Variants in MYCBP2 observed in about 807,000 individuals in gnomAD.
The protein encoded by MYCBP2 is E3 ubiquitin-protein ligase MYCBP2.
A neutral mutation model predicts 525.3 loss-of-function variants in MYCBP2; 120 were observed. That is an observed-to-expected ratio of 0.23 (90% CI 0.20 to 0.27). The LOEUF (loss-of-function observed/expected upper bound fraction) is 0.27, where lower values mean the gene tolerates loss of function less well. Ranked by LOEUF, MYCBP2 falls within the 10% of genes least tolerant of loss-of-function variation. The probability of loss-of-function intolerance (pLI) is 1.00; values close to 1 mark genes in which losing one functional copy is unlikely to be tolerated. For synonymous variants in MYCBP2, 1,894 were observed against 1,955.8 expected (o/e 0.97, Z 0.83); for missense variants, 4,149 against 5,657.1 (o/e 0.73, Z 8.55).
intron 44 of MYCBP2, among the ~76,000 whole-genome samples, chr13:77,159,810 C>CTAT (rs2057666690): frequency 6.6e-6 from 1 of 152,098 alleles, no homozygotes. Flanking sequence ...TCAGGTAGTT[C>CTAT]TTTATAGCAG....
chr13:77,186,343 T>G (rs557614610), intron 30 of MYCBP2, among the ~76,000 whole-genome samples: 1 of 152,200 alleles, frequency 6.6e-6, no homozygotes, highest in African/African-American at 2.4e-5. Flanking sequence ...AATAAATTTT[T>G]CAGTGTTCCT....
chr13:77,059,308 T>C, intron 77 of MYCBP2, among the ~76,000 whole-genome samples: 1 of 152,190 alleles, frequency 6.6e-6, no homozygotes, highest in East Asian at 1.9e-4. Flanking sequence ...CATATGATCA[T>C]GGTAACTGAG....
At chr13:77,324,376 TCTC>T (rs2082050559) in intron 1 of MYCBP2, among the ~76,000 whole-genome samples, 1 of 152,160 alleles carries the variant, frequency 6.6e-6, no homozygotes, top group Non-Finnish European at 1.5e-5. Context: ...GATATCATCT[TCTC>T]CTTTAACTTG....
chr13:77,250,541 A>G (rs1457854369), intron 15 of MYCBP2, among the ~76,000 whole-genome samples: 1 of 152,196 alleles, frequency 6.6e-6, no homozygotes, highest in Non-Finnish European at 1.5e-5. Context: ...ATAGATTCAA[A>G]ATTCTTCCTA....
intron 18 of MYCBP2, among the ~76,000 whole-genome samples, chr13:77,229,030 C>G (rs2066749366): frequency 6.6e-6 from 1 of 152,116 alleles, no homozygotes; most frequent in South Asian, 2.1e-4. Context: ...ATTTACTAAG[C>G]ACTTGCTGTG....
intron 55 of MYCBP2, among the ~76,000 whole-genome samples, chr13:77,106,512 C>A (rs1367209853): frequency 1.3e-5 from 2 of 152,070 alleles, no homozygotes; most frequent in African/African-American, 4.8e-5. Context: ...CACCAATACT[C>A]AGAGCAGGTG....
intron 55 of MYCBP2, chr13:77,100,549 T>C (rs1177741887): frequency 2.0e-5 from 3 of 152,092 alleles, no homozygotes; most frequent in Non-Finnish European, 2.9e-5. Flanking sequence ...GTGACATTAG[T>C]TATTGATGTG....
chr13:77,076,942 A>T lies in MYCBP2; in HGVS notation c.11725-93T>A, dbSNP rs993996909. ...ATTAGCTGATTCCGCAGGTTTTATA[A>T]TATGCTACTCTTGCTAATATACACC... On this transcript the variant is annotated intron_variant, in intron 67 of 82. Coordinates refer to ENST00000544440, the MANE Select transcript of MYCBP2 (RefSeq NM_015057.5). 3.5e-6 allele frequency: 4 copies of T among 1,152,818 alleles called. No homozygotes were observed. The East Asian group carries it at 9.5e-5, about 27-fold the overall frequency. 71.4% of individuals were successfully genotyped at this position (1,152,818 alleles called of 1,614,324 possible).
chr13:77,158,226 G>A (rs1264111617), intron 44 of MYCBP2, 117 bp from the exon 45 acceptor site: 26 of 540,618 alleles, frequency 4.8e-5, no homozygotes, highest in Non-Finnish European at 5.9e-5. Flanking sequence ...TTTTCTCCAC[G>A]TACCCCACTG....
In MYCBP2 at chr13:77,270,007, C is replaced by A; in HGVS notation, c.1245G>T (p.Trp415Cys). ...AGTTTCTTACCTGAGCATACCCTAA[C>A]CAAGACTTTTTTTCTTTTCTGTTTC... The part of the protein sequence containing the change: ...RIRNRKEKKS[W>C]LGYAQGYLLY... The change falls in exon 7 of 83, where the codon TGG becomes TGT. Residue 415 changes from tryptophan to cysteine, a missense_variant. Around this residue, in one of 21 missense-constraint regions of MYCBP2, gnomAD observed 262 missense variants for 419.3 expected, o/e 0.62. Transcript: ENST00000544440. 6.2e-7 allele frequency: 1 copy of A among 1,612,048 alleles called. No individual in the cohort carries two copies. The highest frequency in any genetic ancestry group is 8.5e-7 in the Non-Finnish European group (1 of 1,179,396).
At chr13:77,166,609 C>T (rs1022477837) in intron 40 of MYCBP2, 55 bp from the exon 41 acceptor site, 92 of 1,220,852 alleles carry the variant, frequency 7.5e-5, no homozygotes, top group Non-Finnish European at 1.0e-4. Flanking sequence ...CACAAACATA[C>T]ACATCTGCAT....
At position 77,150,876 on chromosome 13, in the gene MYCBP2, C is replaced by T; in HGVS notation, c.6989G>A (p.Arg2330Lys). The change falls in exon 47 of 83, where the codon AGG becomes AAG. Residue 2330 changes from arginine (R) to lysine (K), a missense_variant. By Grantham distance (26) the Arg-to-Lys change is conservative. Coordinates refer to ENST00000544440, the MANE Select transcript of MYCBP2 (RefSeq NM_015057.5). ...TGTTACTGCAGGACTGCCAGGAATCCTTTGAGGTTTCTTTGCTTGATCTTG... is the reference window on the plus strand; with the variant it reads ...TGTTACTGCAGGACTGCCAGGAATCTTTTGAGGTTTCTTTGCTTGATCTTG... ...LQQDQAKKPQRIPGSPAVTAA... is the reference protein window; with the variant it reads ...LQQDQAKKPQKIPGSPAVTAA... The T allele has an allele frequency of 1.2e-6, 2 of 1,614,054 alleles. No individual in the cohort carries two copies. Among genetic ancestry groups the T allele is most frequent in the African/African-American group, 1.3e-5 (1 of 75,020 alleles).
rs1350132831 is a variant in MYCBP2 at position 77,294,127 on chromosome 13, T to TATATATATATACAC, written c.378+2471_378+2472insGTGTATATATATAT. On this transcript the variant is annotated intron_variant, in intron 2 of 82. Transcript: ENST00000544440. ...GGCTATATATATATATATATATATA[T>TATATATATATACAC]ATACATATATATATACATATATATA... Among the ~76,000 whole-genome samples the TATATATATATACAC allele has an allele frequency of 4.9e-5, 3 of 60,858 alleles. 1 individual carries two copies. Among genetic ancestry groups the TATATATATATACAC allele is most frequent in the Non-Finnish European group, 1.2e-4 (3 of 25,930 alleles). 39.9% of individuals were successfully genotyped at this position (60,858 alleles called of 152,430 possible). A position where few individuals can be genotyped will look rare whatever the true frequency, so the allele number is the denominator to read the frequency against.
At chr13:77,279,556 G>C (rs2075977313) in intron 3 of MYCBP2, among the ~76,000 whole-genome samples, 2 of 152,088 alleles carry the variant, frequency 1.3e-5, no homozygotes, top group Non-Finnish European at 2.9e-5. Context: ...AACATTCTGA[G>C]AACCAGTTCA....
At position 77,242,591 on chromosome 13, in the gene MYCBP2, C is replaced by T. The variant is rs1218343379; in HGVS notation, c.2629+468G>A. ...CATGAAAGCATAGTTATGTGCTGAACTGGAGGGCAGCATAGCAGGACTATG... is the reference window on the plus strand; with the variant it reads ...CATGAAAGCATAGTTATGTGCTGAATTGGAGGGCAGCATAGCAGGACTATG... On this transcript the variant is annotated intron_variant, in intron 17 of 82. Coordinates refer to ENST00000544440, the MANE Select transcript of MYCBP2 (RefSeq NM_015057.5). Among the ~76,000 whole-genome samples, 3 of 152,130 alleles carry T rather than the reference C, an allele frequency of 2.0e-5. No homozygotes were observed. In the South Asian group the frequency reaches 6.2e-4, roughly 32 times the overall value.
chr13:77,319,232 G>A (rs1322603092), intron 1 of MYCBP2, among the ~76,000 whole-genome samples: 1 of 152,094 alleles, frequency 6.6e-6, no homozygotes, highest in Non-Finnish European at 1.5e-5. Flanking sequence ...AGGCGAGAGA[G>A]GAGGAGCTGG....
At chr13:77,099,256 T>C (rs1413802793) in intron 55 of MYCBP2, 1 of 518,820 alleles carries the variant, frequency 1.9e-6, no homozygotes, top group East Asian at 3.7e-5. Context: ...GTTGAACAAA[T>C]CCAGTGTGAA....
chr13:77,247,888 A>C (rs749255277), intron 15 of MYCBP2, among the ~76,000 whole-genome samples: 7 of 152,170 alleles, frequency 4.6e-5, no homozygotes, highest in Non-Finnish European at 7.3e-5. Flanking sequence ...TACAAAAATT[A>C]ACTCAAAATG....
At position 77,168,651 on chromosome 13, in the gene MYCBP2, T is replaced by C; in HGVS notation, c.5896-5A>G. 2 of 1,613,586 alleles carry C rather than the reference T, an allele frequency of 1.2e-6. No individual in the cohort carries two copies. Among genetic ancestry groups the C allele is most frequent in the East Asian group, 2.2e-5 (1 of 44,878 alleles). On this transcript the variant is annotated splice_polypyrimidine_tract_variant and splice_region_variant and intron_variant, in intron 39 of 82. Transcript: ENST00000544440. ...GCCAAAGACTTCTACAGCCACCTAG[T>C]ACACATATAAAAATATGGTTAAATG...
Sources: allele counts gnomAD v4.1 joint callset (sites outside exome capture counted in the v4.1 genomes callset), GRCh38; gene constraint gnomAD v4.1.1; regional missense constraint gnomAD v4.1.1; transcripts MANE v1.5; gene names NCBI Gene and HGNC (gene_info 2026-07-23, HGNC 2026-07-21).